TCERG1: variants seen among roughly 807,000 people sequenced by gnomAD.
TCERG1 encodes the protein transcription elongation regulator 1, also known as TATA box binding protein (TBP)-associated factor, RNA polymerase II, S, 150kD.
Under a neutral mutation model 144.7 loss-of-function variants are expected in TCERG1, and 37 were observed. The ratio of observed to expected loss-of-function variants is 0.26; its 90% CI spans 0.20 to 0.34. The LOEUF is 0.34. TCERG1 is among the 10% of genes least tolerant of loss of function. TCERG1 has a pLI of 1.00. For missense variants in TCERG1, 1,027 were observed against 1,380.7 expected (o/e 0.74, Z 4.06); for synonymous variants, 492 against 458.2 (o/e 1.07, Z -0.94).
At chr5:146,486,773 T>A (rs1765873952) in intron 15 of TCERG1, among the ~76,000 whole-genome samples, 1 of 152,118 alleles carries the variant, frequency 6.6e-6, no homozygotes, top group Non-Finnish European at 1.5e-5. Context: ...ACTAAAAATC[T>A]CTTAGAACTG....
intron 14 of TCERG1, 65 bp from the exon 15 acceptor site, chr5:146,483,474 CA>C (rs1765545022): frequency 1.4e-6 from 2 of 1,423,162 alleles, no homozygotes; most frequent in South Asian, 1.2e-5. Flanking sequence ...AGATTTCAAG[CA>C]AAATTATGAC....
intron 1 of TCERG1, among the ~76,000 whole-genome samples, chr5:146,448,157 A>G (rs1762057272): frequency 6.6e-6 from 1 of 152,204 alleles, no homozygotes; most frequent in African/African-American, 2.4e-5. Flanking sequence ...CCCATCTTAC[A>G]GGTGAGATAA....
At position 146,503,639 on chromosome 5, in the gene TCERG1, A is replaced by AT; in HGVS notation, c.2598+106dup. The AT allele has an allele frequency of 2.1e-6, 3 of 1,455,094 alleles. No homozygotes were observed. The African/African-American group carries it at 4.3e-5, about 21-fold the overall frequency. 90.1% of individuals were successfully genotyped at this position (1,455,094 alleles called of 1,614,324 possible). On this transcript the variant is annotated intron_variant, in intron 18 of 22. Transcript: ENST00000679501. ...GGGGATTTTTCTATTGGGGGTTTGG[A>AT]TTTTTTCTTGTTAGTATTCTTAACA...
At position 146,455,096 on chromosome 5, in the gene TCERG1, C is replaced by T; in HGVS notation, c.100C>T (p.Pro34Ser). 6.2e-7 allele frequency: 1 copy of T among 1,614,252 alleles called. No homozygotes were observed. Among genetic ancestry groups the T allele is most frequent in the Non-Finnish European group, 8.5e-7 (1 of 1,180,040 alleles). The change falls in exon 2 of 23, where the codon CCC (proline) becomes TCC (serine). Residue 34 changes from proline (P) to serine (S), a missense_variant. This residue lies in a region of TCERG1 where 175 missense variants were observed against 197.0 expected (regional missense o/e 0.89). Coordinates refer to ENST00000679501, the MANE Select transcript of TCERG1 (RefSeq NM_001382548.1). ...GGCCTTGAGGTTCCGAGGTCCGGCT[C>T]CCCCACCAAATGCAGTGATGCGAGG... Reference protein sequence around the residue: ...QQALRFRGPAPPPNAVMRGPP... With the variant: ...QQALRFRGPASPPNAVMRGPP...
chr5:146,505,081 A>G (rs941702746), intron 19 of TCERG1, among the ~76,000 whole-genome samples: 1 of 138,476 alleles, frequency 7.2e-6, no homozygotes, highest in Non-Finnish European at 1.5e-5. Context: ...ATGATAGCCA[A>G]TGAGCTAAAA....
intron 5 of TCERG1, among the ~76,000 whole-genome samples, chr5:146,464,328 G>A (rs996146673): frequency 2.0e-5 from 3 of 152,126 alleles, no homozygotes; most frequent in African/African-American, 7.2e-5. Context: ...CAGATAGTAA[G>A]CTTTTAATAA....
chr5:146,492,885 G>T (rs746668737), intron 15 of TCERG1, 35 bp from the exon 16 acceptor site: 5 of 1,490,214 alleles, frequency 3.4e-6, no homozygotes, highest in Non-Finnish European at 4.6e-6. Flanking sequence ...CTATATGAAA[G>T]ATTGACTTGT....
intron 9 of TCERG1, among the ~76,000 whole-genome samples, chr5:146,473,921 C>G (rs1764584497): frequency 6.6e-6 from 1 of 152,176 alleles, no homozygotes; most frequent in Non-Finnish European, 1.5e-5. Context: ...AACATCCAGT[C>G]TGCAGCCCAT....
Position 146,471,566 on chromosome 5 carries a change from G to C in TCERG1, c.1591G>C (p.Gly531Arg). The C allele has an allele frequency of 6.2e-7, 1 of 1,611,854 alleles. No individual in the cohort carries two copies. The highest frequency in any genetic ancestry group is 8.5e-7 in the Non-Finnish European group (1 of 1,179,234). Residue 531 changes from glycine (G) to arginine (R), a missense_variant, in exon 9 of 23, where the codon GGT becomes CGT. This residue lies in a region of TCERG1 where 482 missense variants were observed against 632.6 expected (regional missense o/e 0.76). Transcript: ENST00000679501. The stretch of plus-strand genomic sequence containing the variant: ...GCCAGTTGCTACTGCTCCTATTCCT[G>C]GTACTCCATGGTATGTATTTGGCTC... Reference protein sequence around the residue: ...AKPVATAPIPGTPWCVVWTGD... With the variant: ...AKPVATAPIPRTPWCVVWTGD...
rs747479264 is a variant in TCERG1 at position 146,463,662 on chromosome 5, C to T, written c.1004C>T (p.Pro335Leu). The T allele has an allele frequency of 6.8e-6, 11 of 1,614,198 alleles. No individual in the cohort carries two copies. Among genetic ancestry groups the T allele is most frequent in the South Asian group, 4.4e-5 (4 of 91,082 alleles). ...TATPVQTVPQ[P>L]HPQTLPPAVP... ...ACACCTGTGCAAACCGTTCCCCAGCCGCACCCTCAGACGTTACCTCCTGCT... is the reference window on the plus strand; with the variant it reads ...ACACCTGTGCAAACCGTTCCCCAGCTGCACCCTCAGACGTTACCTCCTGCT... Residue 335 changes from proline (P) to leucine (L), a missense_variant, in exon 5 of 23, where the codon CCG becomes CTG. By Grantham distance (98) the Pro-to-Leu change is moderately conservative. Around this residue, in one of 6 missense-constraint regions of TCERG1, gnomAD observed 187 missense variants for 169.1 expected, o/e 1.11. Coordinates refer to ENST00000679501, the MANE Select transcript of TCERG1 (RefSeq NM_001382548.1).
At position 146,510,531 on chromosome 5, in the gene TCERG1, T is replaced by C; in HGVS notation, c.3237T>C (p.Cys1079=). The C allele has an allele frequency of 1.2e-6, 2 of 1,614,174 alleles. No homozygotes were observed. The highest frequency in any genetic ancestry group is 1.7e-6 in the Non-Finnish European group (2 of 1,180,034). ...ACAAACGGTATCTAGTACTGGACTG[T>C]GTGCCAGAGGAGAGGCGTAAACTGA... ...QNDKRYLVLD[C]VPEERRKLIV... is the part of the protein sequence containing the mutation. Residue 1079 remains cysteine, a synonymous_variant, in exon 23 of 23, where the codon TGT becomes TGC. Coordinates refer to ENST00000679501, the MANE Select transcript of TCERG1 (RefSeq NM_001382548.1).
At chr5:146,451,934 T>A (rs1762396040) in intron 1 of TCERG1, among the ~76,000 whole-genome samples, 1 of 151,670 alleles carries the variant, frequency 6.6e-6, no homozygotes, top group South Asian at 2.1e-4. Flanking sequence ...GCTACAGGCA[T>A]GCACCACCAT....
chr5:146,491,725 A>T (rs1235666948), intron 15 of TCERG1, among the ~76,000 whole-genome samples: 1 of 152,118 alleles, frequency 6.6e-6, no homozygotes, highest in Non-Finnish European at 1.5e-5. Context: ...ACTCTCTTTT[A>T]CTTTCTAGAG....
At chr5:146,448,486 A>G (rs192795675) in intron 1 of TCERG1, among the ~76,000 whole-genome samples, 71 of 152,324 alleles carry the variant, frequency 4.7e-4, no homozygotes, top group African/African-American at 1.6e-3. Flanking sequence ...TATGGGAGAA[A>G]TGGCATTTCA....
At chr5:146,485,459 T>C (rs1765737059) in intron 15 of TCERG1, among the ~76,000 whole-genome samples, 1 of 152,216 alleles carries the variant, frequency 6.6e-6, no homozygotes, top group Non-Finnish European at 1.5e-5. Flanking sequence ...TAAATATCTC[T>C]GAAGGCTTTA....
chr5:146,454,023 TCTCTA>T (rs1762585862), intron 1 of TCERG1, among the ~76,000 whole-genome samples: 2 of 137,312 alleles, frequency 1.5e-5, no homozygotes, highest in African/African-American at 5.7e-5. Context: ...TGAAACCCCA[TCTCTA>T]CTCAAATACA....
Position 146,468,388 on chromosome 5 carries a change from G to A in TCERG1, c.1183G>A (p.Ala395Thr), listed in dbSNP as rs1561653565. 1.2e-6 allele frequency: 2 copies of A among 1,608,994 alleles called. No homozygotes were observed. Among genetic ancestry groups the A allele is most frequent in the African/African-American group, 1.3e-5 (1 of 74,628 alleles). The stretch of plus-strand genomic sequence containing the variant: ...CAGCTGCCCGTATGTAAAGACAGTC[G>A]CTACCACCAAGACCGGTAATTTTTA... Reference protein sequence around the residue: ...IVSCPYVKTVATTKTGVLPGM... With the variant: ...IVSCPYVKTVTTTKTGVLPGM... The change falls in exon 6 of 23, where the codon GCT becomes ACT. Residue 395 changes from alanine to threonine, a missense_variant. Coordinates refer to ENST00000679501, the MANE Select transcript of TCERG1 (RefSeq NM_001382548.1).
In TCERG1 at chr5:146,507,382, C is replaced by T; in HGVS notation, c.2961+175C>T. On this transcript the variant is annotated intron_variant, in intron 20 of 22. Transcript: ENST00000679501. This position sits in a 1 kb window ranked among gnomAD's most constrained non-coding sequence, Gnocchi z 4.6. The stretch of plus-strand genomic sequence containing the variant: ...TGGTATTCTTATTTATTTAGAAATG[C>T]CTATTCTTTGCAGTTTTCACATTCA... 1 of 602,374 alleles carries T rather than the reference C, an allele frequency of 1.7e-6. No homozygotes were observed. The highest frequency in any genetic ancestry group is 2.6e-6 in the Non-Finnish European group (1 of 377,896). The allele number at this position is 602,374 out of a possible 1,614,324, so 37.3% of individuals were successfully genotyped here.
intron 16 of TCERG1, among the ~76,000 whole-genome samples, chr5:146,496,533 A>AT (rs1431931853): frequency 9.9e-5 from 15 of 151,894 alleles, no homozygotes; most frequent in Admixed American, 6.5e-4. Context: ...TATCCAGTTA[A>AT]TTTTTTTTCA....
Sources: gnomAD v4.1 joint callset for allele counts (sites outside exome capture counted in the v4.1 genomes callset) on GRCh38, gnomAD v4.1.1 for gene constraint, gnomAD v4.1.1 regional missense constraint, Gnocchi (gnomAD v3.1) non-coding constraint, MANE v1.5 for transcripts, NCBI Gene and HGNC (gene_info 2026-07-23, HGNC 2026-07-21) for gene names.